Variants in OSBPL6 observed in about 807,000 individuals in gnomAD.
The protein encoded by OSBPL6 is oxysterol-binding protein-related protein 6.
Under a neutral mutation model 125.8 loss-of-function variants are expected in OSBPL6, and 49 were observed. The ratio of observed to expected loss-of-function variants is 0.39; its 90% CI spans 0.31 to 0.49. OSBPL6 has a LOEUF of 0.49. Ranked by LOEUF, OSBPL6 falls within the 20% of genes least tolerant of loss-of-function variation. The probability of loss-of-function intolerance (pLI) is 0.88; values close to 1 mark genes in which losing one functional copy is unlikely to be tolerated. For synonymous variants in OSBPL6, 394 were observed against 391.8 expected (o/e 1.01, Z -0.07); for missense variants, 986 against 1,135.4 (o/e 0.87, Z 1.89).
chr2:178,347,176 A>G (rs192924966), intron 11 of OSBPL6, among the ~76,000 whole-genome samples: 2 of 152,200 alleles, frequency 1.3e-5, no homozygotes, highest in African/African-American at 4.8e-5. Context: ...TCACTGCATA[A>G]TGGCCTCCTA....
intron 2 of OSBPL6, among the ~76,000 whole-genome samples, chr2:178,292,798 C>A (rs986113965): frequency 1.3e-5 from 2 of 152,066 alleles, no homozygotes; most frequent in Admixed American, 6.6e-5. Context: ...ATAAATACTG[C>A]GTGAGATAAG....
At chr2:178,236,535 T>C (rs144608600) in intron 1 of OSBPL6, among the ~76,000 whole-genome samples, 2 of 152,194 alleles carry the variant, frequency 1.3e-5, no homozygotes, top group Non-Finnish European at 2.9e-5. Context: ...TCAGCCAGTC[T>C]CTACTAACTT....
At chr2:178,256,064 T>G (rs1214458373) in intron 1 of OSBPL6, among the ~76,000 whole-genome samples, 3 of 152,190 alleles carry the variant, frequency 2.0e-5, no homozygotes, top group Non-Finnish European at 2.9e-5. Context: ...TCTCTTGACT[T>G]AGTGGACCAC....
chr2:178,361,569 A>G, intron 12 of OSBPL6, 113 bp from the exon 13 acceptor site: 1 of 1,299,232 alleles, frequency 7.7e-7, no homozygotes, highest in Non-Finnish European at 1.1e-6. Context: ...AGACTATTAC[A>G]TAGCCTTTCC....
intron 1 of OSBPL6, among the ~76,000 whole-genome samples, chr2:178,225,270 GAAAA>G (rs2090509264): frequency 6.6e-6 from 1 of 151,122 alleles, no homozygotes; most frequent in Non-Finnish European, 1.5e-5. Flanking sequence ...GAAAAGAAAA[GAAAA>G]GAAAAAAGGC....
chr2:178,347,444 C>T (rs888137306), intron 11 of OSBPL6, among the ~76,000 whole-genome samples: 1 of 152,108 alleles, frequency 6.6e-6, no homozygotes, highest in Non-Finnish European at 1.5e-5. Flanking sequence ...AGTCTCTCCC[C>T]ATGACATCCT....
intron 15 of OSBPL6, among the ~76,000 whole-genome samples, chr2:178,375,763 G>T (rs1012166231): frequency 6.6e-6 from 1 of 152,126 alleles, no homozygotes; most frequent in African/African-American, 2.4e-5. Flanking sequence ...AGACTTGACC[G>T]TGCATTATGT....
rs765955880 is a variant in OSBPL6, at chr2:178,328,396, T to C, written c.318+18T>C. On this transcript the variant is annotated intron_variant, in intron 5 of 24. Transcript: ENST00000190611. The stretch of plus-strand genomic sequence containing the variant: ...GGCACAAGGTAACATTTTTATCATA[T>C]TCAGGTTCAGACCATCTTCATAAAT... 4.3e-6 allele frequency: 7 copies of C among 1,609,652 alleles called. No individual in the cohort carries two copies. In the East Asian group the frequency reaches 1.6e-4, roughly 36 times the overall value.
At chr2:178,264,998 T>C (rs1305196406) in intron 1 of OSBPL6, among the ~76,000 whole-genome samples, 1 of 151,806 alleles carries the variant, frequency 6.6e-6, no homozygotes, top group African/African-American at 2.4e-5. Flanking sequence ...CAAGCAGTCC[T>C]CCTGCCTCAG....
At chr2:178,340,837 C>T (rs935522646) in intron 11 of OSBPL6, among the ~76,000 whole-genome samples, 1 of 152,090 alleles carries the variant, frequency 6.6e-6, no homozygotes, top group Non-Finnish European at 1.5e-5. Context: ...AACAAACTTG[C>T]TTTGCTTGCT....
At chr2:178,381,234 G>A (rs531115282) in intron 15 of OSBPL6, among the ~76,000 whole-genome samples, 43 of 152,116 alleles carry the variant, frequency 2.8e-4, no homozygotes, top group African/African-American at 9.9e-4. Context: ...TATGTACATT[G>A]TTCCTTAATT....
chr2:178,278,210 A>C (rs1329457059), intron 1 of OSBPL6, among the ~76,000 whole-genome samples: 1 of 152,144 alleles, frequency 6.6e-6, no homozygotes, highest in East Asian at 1.9e-4. Flanking sequence ...ATTCCCACCC[A>C]GCCCACAAAC....
At chr2:178,388,673 A>G (rs1218594512) in intron 20 of OSBPL6, among the ~76,000 whole-genome samples, 3 of 152,078 alleles carry the variant, frequency 2.0e-5, no homozygotes, top group Non-Finnish European at 4.4e-5. Flanking sequence ...TTGAAGGACT[A>G]AAAACTCTTC....
chr2:178,218,419 AAG>A (rs796884763), intron 1 of OSBPL6, among the ~76,000 whole-genome samples: 4 of 135,634 alleles, frequency 2.9e-5, no homozygotes, highest in South Asian at 2.3e-4. Context: ...AAAAAAAAAA[AAG>A]AGAGAGAGAG....
At chr2:178,207,080 C>T (rs1356097093) in intron 1 of OSBPL6, among the ~76,000 whole-genome samples, 2 of 152,090 alleles carry the variant, frequency 1.3e-5, no homozygotes, top group South Asian at 2.1e-4. Context: ...AAAGAGAAAG[C>T]GATAGCCAGT....
intron 1 of OSBPL6, among the ~76,000 whole-genome samples, chr2:178,209,439 C>CTTTTTTTTTTTTTTTTTTTTTTTTCTTT (rs71850875): frequency 1.0e-5 from 1 of 95,758 alleles, no homozygotes. Context: ...TTCTTTCTTT[C>CTTTTTTTTTTTTTTTTTTTTTTTTCTTT]TTTTTTTTTT....
At chr2:178,218,565 T>C (rs1220137627) in intron 1 of OSBPL6, among the ~76,000 whole-genome samples, 1 of 151,982 alleles carries the variant, frequency 6.6e-6, no homozygotes, top group Non-Finnish European at 1.5e-5. Flanking sequence ...TTTCCATGAT[T>C]CTCTTTCAAC....
chr2:178,198,447 C>T (rs541009723), intron 1 of OSBPL6, among the ~76,000 whole-genome samples: 2 of 151,842 alleles, frequency 1.3e-5, no homozygotes, highest in Admixed American at 1.3e-4. Flanking sequence ...CAGGTGCATG[C>T]CACCACACCC....
intron 12 of OSBPL6, among the ~76,000 whole-genome samples, chr2:178,351,063 A>G (rs549096823): frequency 1.3e-5 from 2 of 152,148 alleles, no homozygotes; most frequent in Non-Finnish European, 2.9e-5. Flanking sequence ...AACACTCTTA[A>G]TGGTTTAGGT....
Sources: allele counts gnomAD v4.1 joint callset (sites outside exome capture counted in the v4.1 genomes callset), GRCh38; gene constraint gnomAD v4.1.1; transcripts MANE v1.5; gene names NCBI Gene and HGNC (gene_info 2026-07-23, HGNC 2026-07-21).